The following ENKUR variants were observed in gnomAD, a reference collection of about 807,000 sequenced individuals.
The protein encoded by ENKUR is enkurin, TRPC channel interacting protein.
In ENKUR, 19 loss-of-function variants were observed where a neutral mutation model predicts 27.6. The ratio of observed to expected loss-of-function variants is 0.69; its 90% confidence interval spans 0.48 to 1.01. The LOEUF (loss-of-function observed/expected upper bound fraction) is 1.01, where lower values mean the gene tolerates loss of function less well. ENKUR is among the 50% of genes least tolerant of loss of function. The pLI is 0.00. For missense variants in ENKUR, 312 were observed against 310.5 expected, an observed-to-expected ratio of 1.00 and a Z score of -0.04; for synonymous variants, 117 against 96.9, an observed-to-expected ratio of 1.21 and a Z score of -1.22.
intron 2 of ENKUR, among the ~76,000 whole-genome samples, chr10:24,997,538 C>T (rs34918149): frequency 6.3e-4 from 96 of 151,948 alleles, no homozygotes; most frequent in Middle Eastern, 6.8e-3. Flanking sequence ...AGATGTGCAT[C>T]AGCACACCTA....
At chr10:25,060,064 T>C (rs193218831) in intron 2 of ENKUR, among the ~76,000 whole-genome samples, 4 of 152,314 alleles carry the variant, frequency 2.6e-5, no homozygotes, top group African/African-American at 9.6e-5. Flanking sequence ...GCAACCCTTT[T>C]ATCTGCCTGG....
intron 2 of ENKUR, among the ~76,000 whole-genome samples, chr10:25,035,073 A>G (rs1850992119): frequency 6.6e-6 from 1 of 152,232 alleles, no homozygotes; most frequent in Non-Finnish European, 1.5e-5. Flanking sequence ...AAAAAAATAT[A>G]GGAGCTTTAT....
rs2291582 is a variant in ENKUR at position 25,016,005 on chromosome 10, C to G, written c.-69G>C. Reference sequence around the variant, plus strand: ...TCTCCCTGTCCCAGTATCTCCGTCCCTTTCTTCACTGCTTCCCCTTTCTTT... The same window carrying G: ...TCTCCCTGTCCCAGTATCTCCGTCCGTTTCTTCACTGCTTCCCCTTTCTTT... On this transcript the variant is annotated 5_prime_UTR_variant, in exon 1 of 6. Coordinates refer to ENST00000331161, the MANE Select transcript of ENKUR (RefSeq NM_145010.4). The G allele has an allele frequency of 3.9e-4, 598 of 1,550,682 alleles. No individual in the cohort carries two copies. The East Asian group carries it at 0.012, about 32-fold the overall frequency.
At chr10:25,014,491 GAATA>G (rs1443379609) in intron 1 of ENKUR, among the ~76,000 whole-genome samples, 16 of 151,740 alleles carry the variant, frequency 1.1e-4, no homozygotes, top group African/African-American at 3.6e-4. Flanking sequence ...CTTGCCAAAT[GAATA>G]AAGACTGTTC....
intron 4 of ENKUR, among the ~76,000 whole-genome samples, chr10:24,988,115 T>G (rs1849819052): frequency 6.6e-6 from 1 of 151,476 alleles, no homozygotes; most frequent in African/African-American, 2.4e-5. Context: ...TTTCAGCTAC[T>G]CGGGAGGCTG....
chr10:24,990,477 C>G lies in ENKUR; in HGVS notation c.580G>C (p.Glu194Gln). 1 of 1,612,422 alleles carries G rather than the reference C, an allele frequency of 6.2e-7. No individual in the cohort carries two copies. Among genetic ancestry groups the G allele is most frequent in the Non-Finnish European group, 8.5e-7 (1 of 1,179,604 alleles). ...AMKRLSDEER[E>Q]AVLQGLKKNW... Reference sequence around the variant, plus strand: ...AGAACACACACCTGCAAAACTGCCTCCCTTTCTTCATCGGAGAGCCTTTTC... The same window carrying G: ...AGAACACACACCTGCAAAACTGCCTGCCTTTCTTCATCGGAGAGCCTTTTC... Residue 194 changes from glutamate (E) to glutamine (Q), a missense_variant, in exon 4 of 6, where the codon GAG (glutamate) becomes CAG (glutamine). By Grantham distance (29) the Glu-to-Gln change is conservative. Coordinates refer to ENST00000331161, the MANE Select transcript of ENKUR (RefSeq NM_145010.4).
At position 24,984,375 on chromosome 10, in the gene ENKUR, C is replaced by T. The variant is rs550618750; in HGVS notation, c.766G>A (p.Ala256Thr). 8.5e-6 allele frequency: 13 copies of T among 1,526,606 alleles called. No individual in the cohort carries two copies. The highest frequency in any genetic ancestry group is 1.7e-4 in the Middle Eastern group (1 of 5,732). The allele number at this position is 1,526,606 out of a possible 1,614,324, so 94.6% of individuals were successfully genotyped here. A position where few individuals can be genotyped will look rare whatever the true frequency, so the allele number is the denominator to read the frequency against. The change falls in exon 6 of 6, where the codon GCA becomes ACA. Residue 256 changes from alanine (A) to threonine (T), a missense_variant and splice_region_variant. Ala to Thr is a moderately conservative substitution (Grantham distance 58, BLOSUM62 0). Coordinates refer to ENST00000331161, the MANE Select transcript of ENKUR (RefSeq NM_145010.4). ...KHKIIYIANN[A>T] is the part of the protein sequence containing the mutation. ...TCAAAGTTGTGCTGTTGGTATCATG[C>T]GCTGCAGAAAAAAAAAAAAAAAAGT...
intron 2 of ENKUR, chr10:25,023,207 A>G: frequency 6.3e-7 from 1 of 1,592,790 alleles, no homozygotes; most frequent in South Asian, 1.1e-5. Flanking sequence ...TGGCTTGGGC[A>G]GAAAAGTGAA....
intron 2 of ENKUR, among the ~76,000 whole-genome samples, chr10:25,042,267 G>T (rs1394779676): frequency 1.4e-5 from 2 of 146,040 alleles, no homozygotes; most frequent in South Asian, 2.2e-4. Flanking sequence ...TCTTTGGAAA[G>T]ATTTTTTTTT....
At chr10:25,039,868 C>A (rs1188100849) in intron 2 of ENKUR, among the ~76,000 whole-genome samples, 1 of 151,002 alleles carries the variant, frequency 6.6e-6, no homozygotes, top group African/African-American at 2.4e-5. Context: ...AGCATGGGTG[C>A]AGCACACCAA....
intron 3 of ENKUR, among the ~76,000 whole-genome samples, chr10:24,992,054 G>C (rs1434938501): frequency 7.9e-5 from 12 of 152,252 alleles, no homozygotes; most frequent in Admixed American, 7.9e-4. Context: ...ACGACTGACA[G>C]TGAAGCCATC....
chr10:25,056,710 T>C (rs1017924320), intron 2 of ENKUR, among the ~76,000 whole-genome samples: 1 of 152,222 alleles, frequency 6.6e-6, no homozygotes, highest in Non-Finnish European at 1.5e-5. Flanking sequence ...GAAACGTTAG[T>C]GCCTAATGTA....
At chr10:25,007,174 A>G (rs1475174939) in intron 1 of ENKUR, among the ~76,000 whole-genome samples, 1 of 152,204 alleles carries the variant, frequency 6.6e-6, no homozygotes, top group African/African-American at 2.4e-5. Context: ...CCTGATCTGT[A>G]AAAATGAATT....
chr10:24,987,043 C>T (rs1341820286), intron 4 of ENKUR, among the ~76,000 whole-genome samples: 1 of 152,192 alleles, frequency 6.6e-6, no homozygotes, highest in Non-Finnish European at 1.5e-5. Flanking sequence ...GTGGGGTGCT[C>T]CCAGCTCTTT....
chr10:24,991,340 G>A (rs529270773), intron 3 of ENKUR, among the ~76,000 whole-genome samples: 8 of 151,706 alleles, frequency 5.3e-5, no homozygotes, highest in Non-Finnish European at 8.8e-5. Flanking sequence ...TCTCTTTTTC[G>A]TGGTCTCGTT....
chr10:24,988,295 T>TATGTGTATATATATTTATATAC (rs1849828664), intron 4 of ENKUR, among the ~76,000 whole-genome samples: 2 of 144,320 alleles, frequency 1.4e-5, no homozygotes, highest in Admixed American at 1.4e-4. Context: ...TATTTATATA[T>TATGTGTATATATATTTATATAC]GTATATATAT....
intron 1 of ENKUR, among the ~76,000 whole-genome samples, chr10:25,007,162 T>C (rs1850330252): frequency 6.6e-6 from 1 of 152,184 alleles, no homozygotes; most frequent in East Asian, 1.9e-4. Flanking sequence ...CTGACATATT[T>C]CCCTGATCTG....
intron 1 of ENKUR, among the ~76,000 whole-genome samples, chr10:25,002,730 G>A (rs1588658194): frequency 6.6e-6 from 1 of 151,890 alleles, no homozygotes; most frequent in Admixed American, 6.6e-5. Flanking sequence ...AAACATTATT[G>A]TTTTTTTCCT....
At chr10:25,032,075 A>G (rs11014356) in intron 2 of ENKUR, among the ~76,000 whole-genome samples, 1,551 of 152,208 alleles carry the variant, frequency 0.01, 18 homozygotes, top group Non-Finnish European at 0.016. Context: ...TTTCCTATTG[A>G]GACATTCCTC....
Sources: gnomAD v4.1 joint callset for allele counts (sites outside exome capture counted in the v4.1 genomes callset) on GRCh38, gnomAD v4.1.1 for gene constraint, MANE v1.5 for transcripts, NCBI Gene and HGNC (gene_info 2026-07-23, HGNC 2026-07-21) for gene names.